FBXL7: variants seen among roughly 807,000 people sequenced by gnomAD.
The protein encoded by FBXL7 is F-box and leucine rich repeat protein 7.
A neutral mutation model predicts 38.3 loss-of-function variants in FBXL7; 12 were observed. The ratio of observed to expected loss-of-function variants is 0.31; its 90% confidence interval spans 0.20 to 0.51. FBXL7 has a LOEUF of 0.51. Among genes scored for constraint, FBXL7 ranks in the 20% least tolerant of loss-of-function variants. FBXL7 has a pLI of 0.98. For synonymous variants in FBXL7, 297 were observed against 300.9 expected (o/e 0.99, Z 0.13); for missense variants, 567 against 676.4 (o/e 0.84, Z 1.79).
intron 2 of FBXL7, among the ~76,000 whole-genome samples, chr5:15,725,656 T>G (rs1048300555): frequency 6.6e-6 from 1 of 152,068 alleles, no homozygotes; most frequent in African/African-American, 2.4e-5. Context: ...GTTGTTGCTG[T>G]TGAGAGGGAG....
chr5:15,889,167 A>G (rs1740802604), intron 2 of FBXL7, among the ~76,000 whole-genome samples: 1 of 152,186 alleles, frequency 6.6e-6, no homozygotes. Flanking sequence ...GGAAACTGGT[A>G]TGTGGCCAGA....
chr5:15,593,079 A>G (rs1580390966), intron 1 of FBXL7, among the ~76,000 whole-genome samples: 1 of 152,202 alleles, frequency 6.6e-6, no homozygotes, highest in East Asian at 1.9e-4. Context: ...GAAATTTTAG[A>G]GCCTTTAAAG....
intron 2 of FBXL7, among the ~76,000 whole-genome samples, chr5:15,626,307 G>T (rs543054781): frequency 1.3e-5 from 2 of 152,278 alleles, no homozygotes; most frequent in South Asian, 4.1e-4. Flanking sequence ...TTAATGTTCA[G>T]TGTGCCCAAT....
chr5:15,627,005 G>T (rs912173956), intron 2 of FBXL7, among the ~76,000 whole-genome samples: 25 of 151,954 alleles, frequency 1.6e-4, no homozygotes, highest in Admixed American at 1.1e-3. Flanking sequence ...CCCTTAGATG[G>T]GTTTTCTTCT....
intron 1 of FBXL7, among the ~76,000 whole-genome samples, chr5:15,559,602 C>T (rs1379252387): frequency 6.6e-6 from 1 of 151,986 alleles, no homozygotes; most frequent in African/African-American, 2.4e-5. Flanking sequence ...TCCACATGTT[C>T]GATGAACAAG....
intron 2 of FBXL7, among the ~76,000 whole-genome samples, chr5:15,761,573 C>T (rs1296536035): frequency 6.6e-6 from 1 of 152,154 alleles, no homozygotes; most frequent in Non-Finnish European, 1.5e-5. Context: ...AACAGGGTCT[C>T]ACTCCGGTTG....
Position 15,500,512 on chromosome 5 carries a change from C to A in FBXL7, c.-165C>A, listed in dbSNP as rs1736458489. 1 of 896,940 alleles carries A rather than the reference C, an allele frequency of 1.1e-6. No homozygotes were observed. 55.6% of individuals were successfully genotyped at this position (896,940 alleles called of 1,614,324 possible). ...GCCAGGAGGGGACGCAGCACCCCCT[C>A]CCACTGGAGTGCGGGGACCTCTCCA... is the stretch of plus-strand genomic sequence containing the variant. On this transcript the variant is annotated 5_prime_UTR_variant, in exon 1 of 4. Transcript: ENST00000504595.
intron 2 of FBXL7, among the ~76,000 whole-genome samples, chr5:15,828,088 A>G (rs1489105517): frequency 6.6e-6 from 1 of 152,210 alleles, no homozygotes; most frequent in African/African-American, 2.4e-5. Context: ...TCATAAGACA[A>G]TGTTTGTTTG....
At chr5:15,927,668 G>T (rs1347302979) in intron 2 of FBXL7, among the ~76,000 whole-genome samples, 4 of 150,822 alleles carry the variant, frequency 2.7e-5, no homozygotes, top group African/African-American at 9.8e-5. Flanking sequence ...CCAGCTACTC[G>T]GGAGGCTGAG....
At chr5:15,751,252 T>A (rs144558089) in intron 2 of FBXL7, among the ~76,000 whole-genome samples, 1 of 87,408 alleles carries the variant, frequency 1.1e-5, no homozygotes, top group African/African-American at 3.2e-5. Context: ...TGGTAAAAAT[T>A]TTTCTTTTCA....
At chr5:15,518,399 C>T (rs967675660) in intron 1 of FBXL7, among the ~76,000 whole-genome samples, 10 of 152,258 alleles carry the variant, frequency 6.6e-5, no homozygotes, top group African/African-American at 2.4e-4. Context: ...TGTTTTGGAC[C>T]TGGCAGGGGA....
chr5:15,656,981 A>G (rs1226881646), intron 2 of FBXL7, among the ~76,000 whole-genome samples: 2 of 152,152 alleles, frequency 1.3e-5, no homozygotes, highest in Non-Finnish European at 2.9e-5. Flanking sequence ...CTCATTCATA[A>G]TAATATTGGA....
chr5:15,518,462 G>T (rs1737006958), intron 1 of FBXL7, among the ~76,000 whole-genome samples: 1 of 152,232 alleles, frequency 6.6e-6, no homozygotes, highest in Non-Finnish European at 1.5e-5. Flanking sequence ...ATGTGCAATG[G>T]GAGGTAGGAA....
At chr5:15,606,109 T>C (rs189814928) in intron 1 of FBXL7, among the ~76,000 whole-genome samples, 20 of 152,350 alleles carry the variant, frequency 1.3e-4, no homozygotes, top group Admixed American at 1.1e-3. Flanking sequence ...GTTATTCTTA[T>C]GAAGGTTTCA....
intron 1 of FBXL7, among the ~76,000 whole-genome samples, chr5:15,510,033 A>T (rs1418421641): frequency 2.6e-5 from 4 of 152,214 alleles, no homozygotes; most frequent in Admixed American, 2.6e-4. Flanking sequence ...GAAAAAGTGT[A>T]GACTGTTTCT....
chr5:15,801,634 A>AGTGTGTGTGTGTGTGT (rs71605509), intron 2 of FBXL7, among the ~76,000 whole-genome samples: 34 of 147,788 alleles, frequency 2.3e-4, no homozygotes, highest in African/African-American at 8.3e-4. Context: ...AGGGGGAGTC[A>AGTGTGTGTGTGTGTGT]GTGTGTGTGT....
intron 2 of FBXL7, among the ~76,000 whole-genome samples, chr5:15,753,164 C>T (rs918236111): frequency 9.9e-5 from 15 of 152,090 alleles, no homozygotes; most frequent in Non-Finnish European, 7.4e-5. Context: ...CACACGCTCT[C>T]TAGGACACAC....
chr5:15,599,587 G>A (rs764589431), intron 1 of FBXL7, among the ~76,000 whole-genome samples: 6 of 152,096 alleles, frequency 3.9e-5, no homozygotes, highest in Admixed American at 1.3e-4. Context: ...ATGTGAGTGT[G>A]GAAAGCTGAA....
At chr5:15,898,116 A>G (rs556578752) in intron 2 of FBXL7, among the ~76,000 whole-genome samples, 9 of 152,258 alleles carry the variant, frequency 5.9e-5, no homozygotes, top group African/African-American at 2.2e-4. Context: ...AGCCTTGTTT[A>G]GTATAGCTAT....
Sources: gnomAD v4.1 joint callset for allele counts (sites outside exome capture counted in the v4.1 genomes callset) on GRCh38, gnomAD v4.1.1 for gene constraint, MANE v1.5 for transcripts, NCBI Gene and HGNC (gene_info 2026-07-23, HGNC 2026-07-21) for gene names.